The following GRXCR2 variants were observed in gnomAD, a reference collection of about 807,000 sequenced individuals.
The protein encoded by GRXCR2 is glutaredoxin and cysteine rich domain containing 2.
In GRXCR2, 23 loss-of-function variants were observed where a neutral mutation model predicts 24.8. That is an observed-to-expected ratio of 0.93 (90% CI 0.67 to 1.32). The LOEUF (loss-of-function observed/expected upper bound fraction) is 1.32. Ranked by LOEUF, GRXCR2 falls within the 40% of genes most tolerant of loss-of-function variation. The probability of loss-of-function intolerance (pLI) is 0.00; values close to 1 mark genes in which losing one functional copy is unlikely to be tolerated. For missense variants in GRXCR2, 315 were observed against 303.4 expected, an observed-to-expected ratio of 1.04 and a Z score of -0.28; for synonymous variants, 130 against 116.1, an observed-to-expected ratio of 1.12 and a Z score of -0.77.
upstream of GRXCR2, among the ~76,000 whole-genome samples, chr5:145,875,428 A>G (rs1756598269): frequency 6.6e-6 from 1 of 152,136 alleles, no homozygotes; most frequent in Non-Finnish European, 1.5e-5. Flanking sequence ...AGGCACTTAT[A>G]GTCCCAGCTA....
intron 2 of GRXCR2, among the ~76,000 whole-genome samples, chr5:145,928,930 T>C (rs1425846248): frequency 6.6e-6 from 1 of 151,880 alleles, no homozygotes; most frequent in Non-Finnish European, 1.5e-5. Context: ...CACTAGAATA[T>C]ACATTCATTA....
chr5:145,886,975 T>A (rs973981814), intron 2 of GRXCR2, among the ~76,000 whole-genome samples: 1 of 152,256 alleles, frequency 6.6e-6, no homozygotes, highest in Non-Finnish European at 1.5e-5. Context: ...TCAGATTTCA[T>A]AAAATTTATA....
At chr5:145,891,162 C>G (rs431029) in intron 2 of GRXCR2, among the ~76,000 whole-genome samples, 11,807 of 152,116 alleles carry the variant, frequency 0.078, 1,442 homozygotes, top group African/African-American at 0.26. Flanking sequence ...GAGGAGCCAA[C>G]ATGGCCGAAT....
intron 2 of GRXCR2, among the ~76,000 whole-genome samples, chr5:145,899,843 C>G (rs931753539): frequency 6.6e-6 from 1 of 151,940 alleles, no homozygotes; most frequent in Non-Finnish European, 1.5e-5. Context: ...GGACATGGGC[C>G]TTGGGAAAGA....
rs114404200 is a variant in GRXCR2 at position 145,908,805 on chromosome 5, C to T, written c.-70+26896G>A. The stretch of plus-strand genomic sequence containing the variant: ...CTAAAATGCAGATTCCAAGATTACT[C>T]AAGGCTGCTGGGAGGTAGAAGAAAG... On this transcript the variant is annotated intron_variant, in intron 2 of 3. Transcript: ENST00000639411. Among the ~76,000 whole-genome samples, 452 of 152,244 alleles carry T rather than the reference C, an allele frequency of 3.0e-3. 2 individuals are homozygous for T. Among genetic ancestry groups the T allele is most frequent in the African/African-American group, 0.01 (425 of 41,542 alleles).
At chr5:145,891,641 C>G (rs908079639) in intron 2 of GRXCR2, among the ~76,000 whole-genome samples, 2 of 152,156 alleles carry the variant, frequency 1.3e-5, no homozygotes, top group South Asian at 2.1e-4. Context: ...CCAGGAAGCT[C>G]GAACTCGGTG....
chr5:145,885,091 G>T (rs990117439), intron 2 of GRXCR2, among the ~76,000 whole-genome samples: 3 of 128,536 alleles, frequency 2.3e-5, no homozygotes, highest in Non-Finnish European at 3.2e-5. Flanking sequence ...CAGCATGTGT[G>T]TGTGTCTGTG....
intron 2 of GRXCR2, among the ~76,000 whole-genome samples, chr5:145,865,033 T>C (rs1393298078): frequency 1.3e-5 from 2 of 152,128 alleles, no homozygotes; most frequent in Non-Finnish European, 2.9e-5. Context: ...ACTTATGATA[T>C]GGGAGAAATG....
chr5:145,903,246 G>A (rs764221066), intron 2 of GRXCR2, among the ~76,000 whole-genome samples: 2 of 152,052 alleles, frequency 1.3e-5, no homozygotes, highest in Non-Finnish European at 2.9e-5. Context: ...GACATAGCAC[G>A]GCTAGTTTCC....
At chr5:145,891,425 A>G (rs1756863250) in intron 2 of GRXCR2, among the ~76,000 whole-genome samples, 1 of 152,010 alleles carries the variant, frequency 6.6e-6, no homozygotes. Context: ...AAATTGGGTC[A>G]CTCCCACCCT....
chr5:145,910,864 G>A (rs1341059771), intron 2 of GRXCR2, among the ~76,000 whole-genome samples: 1 of 147,498 alleles, frequency 6.8e-6, no homozygotes, highest in East Asian at 2.0e-4. Flanking sequence ...GTGTGTACCC[G>A]TGCATGCACA....
At chr5:145,885,097 C>CTGTGTGTGTGTGTGTGTGTG (rs59158357) in intron 2 of GRXCR2, among the ~76,000 whole-genome samples, 3 of 147,716 alleles carry the variant, frequency 2.0e-5, no homozygotes, top group Admixed American at 6.8e-5. Flanking sequence ...GTGTGTGTGT[C>CTGTGTGTGTGTGTGTGTGTG]TGTGTGTGTG....
chr5:145,926,396 A>T (rs939173356), intron 2 of GRXCR2, among the ~76,000 whole-genome samples: 3 of 152,170 alleles, frequency 2.0e-5, no homozygotes, highest in Non-Finnish European at 2.9e-5. Context: ...TCTTGAATTA[A>T]TTTTTGTATA....
At chr5:145,926,846 C>T (rs1757405226) in intron 2 of GRXCR2, among the ~76,000 whole-genome samples, 1 of 152,206 alleles carries the variant, frequency 6.6e-6, no homozygotes, top group South Asian at 2.1e-4. Flanking sequence ...AATATTGATT[C>T]TTCCTACCCA....
At chr5:145,920,786 C>A (rs1757310691) in intron 2 of GRXCR2, among the ~76,000 whole-genome samples, 2 of 152,252 alleles carry the variant, frequency 1.3e-5, no homozygotes, top group Non-Finnish European at 2.9e-5. Flanking sequence ...TGTAGCAATA[C>A]TAACCCCCAA....
Position 145,866,497 on chromosome 5 carries a change from G to C in GRXCR2, c.564+4C>G. On this transcript the variant is annotated splice_donor_region_variant and intron_variant, in intron 2 of 2. Coordinates refer to ENST00000377976, the MANE Select transcript of GRXCR2 (RefSeq NM_001080516.2). ...GAGCAGGACAGTCAAGCTCCCCAAC[G>C]CACCTGTGTATACCGGTTTTGGGGT... The C allele has an allele frequency of 6.2e-7, 1 of 1,608,044 alleles. No homozygotes were observed. The highest frequency in any genetic ancestry group is 8.5e-7 in the Non-Finnish European group (1 of 1,174,684).
chr5:145,910,753 G>A (rs553290616), intron 2 of GRXCR2, among the ~76,000 whole-genome samples: 2 of 152,298 alleles, frequency 1.3e-5, no homozygotes, highest in South Asian at 4.1e-4. Context: ...ACAGGGTTGA[G>A]ACTGAAGGAG....
intron 2 of GRXCR2, among the ~76,000 whole-genome samples, chr5:145,900,426 A>C (rs1757009238): frequency 6.6e-6 from 1 of 152,114 alleles, no homozygotes; most frequent in Non-Finnish European, 1.5e-5. Flanking sequence ...TTTCTTTATA[A>C]ATTACCCAAT....
chr5:145,864,391 C>A (rs148103470), intron 2 of GRXCR2, among the ~76,000 whole-genome samples: 204 of 152,196 alleles, frequency 1.3e-3, no homozygotes, highest in Admixed American at 3.6e-3. Context: ...AAGGAGTTTG[C>A]GGTTTTATCC....
Sources: gnomAD v4.1 joint callset for allele counts (sites outside exome capture counted in the v4.1 genomes callset) on GRCh38, gnomAD v4.1.1 for gene constraint, MANE v1.5 for transcripts, NCBI Gene and HGNC (gene_info 2026-07-23, HGNC 2026-07-21) for gene names.